The following PRKN variants were observed in gnomAD, a reference collection of about 807,000 sequenced individuals.
The protein encoded by PRKN is parkin RBR E3 ubiquitin protein ligase.
A neutral mutation model predicts 59.5 loss-of-function variants in PRKN; 56 were observed. That is an observed-to-expected ratio of 0.94 (90% CI 0.76 to 1.18). The LOEUF (loss-of-function observed/expected upper bound fraction) is 1.18, where lower values mean the gene tolerates loss of function less well. Ranked by LOEUF, PRKN falls within the 50% of genes most tolerant of loss-of-function variation. The probability of loss-of-function intolerance (pLI) is 0.00; values close to 1 mark genes in which losing one functional copy is unlikely to be tolerated. For missense variants in PRKN, 657 were observed against 596.4 expected (o/e 1.10, Z -1.06); for synonymous variants, 250 against 222.1 (o/e 1.13, Z -1.12).
Position 161,551,535 on chromosome 6 carries a change from A to T in PRKN, c.934-2532T>A, listed in dbSNP as rs146956852. Among the ~76,000 whole-genome samples the T allele has an allele frequency of 6.2e-3, 942 of 152,270 alleles. 13 individuals carry two copies. The highest frequency in any genetic ancestry group is 0.022 in the African/African-American group (909 of 41,540). On this transcript the variant is annotated intron_variant, in intron 8 of 11. Coordinates refer to ENST00000366898, the MANE Select transcript of PRKN (RefSeq NM_004562.3). The surrounding 1 kb of genome is among the most constrained non-coding windows in gnomAD (Gnocchi z 5.2). ...CAGGTGTCCCGAAAGCCAAGGGAAC[A>T]CATCTCAAGGAGGCTGCCATGATGA...
rs1337975566 is a variant in PRKN, at chr6:161,733,993, CACACACACACACAT to C, written c.871+51765_871+51778del. 9.7e-3 allele frequency among the ~76,000 whole-genome samples: 1,409 copies of C among 145,276 alleles called. 43 individuals carry two copies. The highest frequency in any genetic ancestry group is 0.037 in the African/African-American group (1,340 of 36,468). The stretch of plus-strand genomic sequence containing the variant: ...ACACACACACACACACACACACACA[CACACACACACACAT>C]ATTTGCTAATGGAAAAAAGAACACA... On this transcript the variant is annotated intron_variant, in intron 7 of 11. Coordinates refer to ENST00000366898, the MANE Select transcript of PRKN (RefSeq NM_004562.3).
At chr6:161,909,366 T>A (rs1342939244) in intron 6 of PRKN, among the ~76,000 whole-genome samples, 1 of 152,312 alleles carries the variant, frequency 6.6e-6, no homozygotes, top group East Asian at 1.9e-4. Context: ...GTTCTGAAAA[T>A]GCAGCTGCTC....
intron 1 of PRKN, among the ~76,000 whole-genome samples, chr6:162,696,433 T>C (rs1777968804): frequency 6.6e-6 from 1 of 152,042 alleles, no homozygotes; most frequent in Middle Eastern, 3.2e-3. Context: ...CCCCTTGACT[T>C]GGCTTCAAGG....
rs1276153096 is a variant in PRKN, at chr6:161,487,414, G to A, written c.1083+61440C>T. Among the ~76,000 whole-genome samples, 11 of 152,162 alleles carry A rather than the reference G, an allele frequency of 7.2e-5. No individual in the cohort carries two copies. The highest frequency in any genetic ancestry group is 7.2e-4 in the Admixed American group (11 of 15,276). On this transcript the variant is annotated intron_variant, in intron 9 of 11. Transcript: ENST00000366898. The surrounding 1 kb of genome is among the most constrained non-coding windows in gnomAD (Gnocchi z 5.3). ...GTCTGGGGCCTGTGGGATGGCAAAGGAATTTTCTAGAACTAAGAGTGTGTG... is the reference window on the plus strand; with the variant it reads ...GTCTGGGGCCTGTGGGATGGCAAAGAAATTTTCTAGAACTAAGAGTGTGTG...
At chr6:161,366,566 C>T (rs765394546) in intron 10 of PRKN, among the ~76,000 whole-genome samples, 8 of 152,148 alleles carry the variant, frequency 5.3e-5, no homozygotes, top group Non-Finnish European at 8.8e-5. Context: ...TCCTTGTGGT[C>T]GAACTTAGCC....
chr6:162,428,203 G>C (rs1267470499), intron 2 of PRKN, among the ~76,000 whole-genome samples: 1 of 152,138 alleles, frequency 6.6e-6, no homozygotes, highest in East Asian at 1.9e-4. Context: ...AAAAGAACAA[G>C]CATGCTAATC....
At chr6:162,024,437 T>TCCA (rs1227690179) in intron 5 of PRKN, among the ~76,000 whole-genome samples, 2 of 152,172 alleles carry the variant, frequency 1.3e-5, no homozygotes, top group Non-Finnish European at 2.9e-5. Context: ...CTTCAGGTGA[T>TCCA]CCACCGGCCT....
intron 6 of PRKN, among the ~76,000 whole-genome samples, chr6:161,854,397 A>AG (rs1793561293): frequency 6.6e-6 from 1 of 152,206 alleles, no homozygotes; most frequent in South Asian, 2.1e-4. Context: ...TTAGGCAGGA[A>AG]GAATCAGCAG....
intron 7 of PRKN, among the ~76,000 whole-genome samples, chr6:161,572,467 C>G (rs532273835): frequency 6.6e-6 from 1 of 152,036 alleles, no homozygotes; most frequent in African/African-American, 2.4e-5. Context: ...TGAGACCAGC[C>G]TGGCCAACAT....
intron 7 of PRKN, among the ~76,000 whole-genome samples, chr6:161,647,580 A>G (rs1038097560): frequency 7.4e-6 from 1 of 134,762 alleles, no homozygotes; most frequent in Non-Finnish European, 1.6e-5. Context: ...CTCAGAGAGT[A>G]TATTCCTTGT....
chr6:161,636,526 G>A (rs1468030960), intron 7 of PRKN, among the ~76,000 whole-genome samples: 2 of 152,228 alleles, frequency 1.3e-5, no homozygotes, highest in African/African-American at 4.8e-5. Flanking sequence ...TGCACATGCG[G>A]GAGTGCCCCT....
chr6:161,855,660 T>C (rs1793620896), intron 6 of PRKN, among the ~76,000 whole-genome samples: 1 of 152,232 alleles, frequency 6.6e-6, no homozygotes, highest in African/African-American at 2.4e-5. Flanking sequence ...TACGCTGTTC[T>C]TTATTGTATT....
At chr6:162,002,903 A>T (rs1160726266) in intron 5 of PRKN, among the ~76,000 whole-genome samples, 1 of 152,104 alleles carries the variant, frequency 6.6e-6, no homozygotes, top group African/African-American at 2.4e-5. Flanking sequence ...TTTGTGTTTA[A>T]TTTCCACGTC....
intron 7 of PRKN, among the ~76,000 whole-genome samples, chr6:161,679,007 C>T (rs1362479695): frequency 5.3e-5 from 8 of 152,178 alleles, no homozygotes; most frequent in Non-Finnish European, 5.9e-5. Context: ...GACACACACA[C>T]GCACATGCAT....
Position 161,385,268 on chromosome 6 carries a change from C to T in PRKN, c.1167+1526G>A, listed in dbSNP as rs999891934. ...CAATGCATTTTTCTAGAGAGTCTAG[C>T]AGCTGCTTGACCCACCCAAATGCTC... is the stretch of plus-strand genomic sequence containing the variant. On this transcript the variant is annotated intron_variant, in intron 10 of 11. Transcript: ENST00000366898. This position sits in a 1 kb window ranked among gnomAD's most constrained non-coding sequence, Gnocchi z 4.9. Among the ~76,000 whole-genome samples the T allele has an allele frequency of 2.0e-5, 3 of 152,172 alleles. No individual in the cohort carries two copies. Among genetic ancestry groups the T allele is most frequent in the Admixed American group, 6.5e-5 (1 of 15,276 alleles).
chr6:161,774,571 GC>G (rs1393470872), intron 7 of PRKN, among the ~76,000 whole-genome samples: 4 of 152,142 alleles, frequency 2.6e-5, no homozygotes, highest in African/African-American at 9.7e-5. Flanking sequence ...CCGCCAGCTG[GC>G]CCCATGAAGA....
chr6:162,607,519 A>G (rs946196558), intron 1 of PRKN, among the ~76,000 whole-genome samples: 4 of 151,826 alleles, frequency 2.6e-5, no homozygotes, highest in Non-Finnish European at 4.4e-5. Flanking sequence ...GGTTGTTTCC[A>G]AAGAGAGAGA....
chr6:161,882,873 C>T (rs1302784341), intron 6 of PRKN, among the ~76,000 whole-genome samples: 8 of 151,530 alleles, frequency 5.3e-5, no homozygotes, highest in African/African-American at 1.5e-4. Context: ...GGTGTGGTGG[C>T]GGGTGCTTGT....
intron 9 of PRKN, among the ~76,000 whole-genome samples, chr6:161,430,471 C>T (rs1271044021): frequency 2.0e-5 from 3 of 152,180 alleles, no homozygotes; most frequent in Non-Finnish European, 4.4e-5. Flanking sequence ...AGTAAATGCA[C>T]TGCTCTTGGG....
Sources: allele counts gnomAD v4.1 joint callset (sites outside exome capture counted in the v4.1 genomes callset), GRCh38; gene constraint gnomAD v4.1.1; non-coding constraint Gnocchi (gnomAD v3.1); transcripts MANE v1.5; gene names NCBI Gene and HGNC (gene_info 2026-07-23, HGNC 2026-07-21).